PSMA6: variants seen among roughly 807,000 people sequenced by gnomAD.
The protein encoded by PSMA6 is proteasome subunit alpha type-6.
For synonymous variants in PSMA6, 88 were observed against 97.7 expected (o/e 0.90, Z 0.59); for missense variants, 170 against 294.8 (o/e 0.58, Z 3.10).
intron 4 of PSMA6, among the ~76,000 whole-genome samples, chr14:35,312,199 TAAAAAAA>T (rs35606504): frequency 1.0e-5 from 1 of 97,422 alleles, no homozygotes. Flanking sequence ...CCTCGTCTCC[TAAAAAAA>T]AAAAAAAAAA....
At chr14:35,280,371 T>C (rs10130007) in intron 1 of PSMA6, among the ~76,000 whole-genome samples, 7,007 of 150,024 alleles carry the variant, frequency 0.047, 245 homozygotes, top group African/African-American at 0.094. Context: ...GGTCTCATTG[T>C]TTCTTTTTTT....
intron 1 of PSMA6, among the ~76,000 whole-genome samples, chr14:35,286,943 T>A (rs2051426915): frequency 6.6e-6 from 1 of 152,028 alleles, no homozygotes; most frequent in Non-Finnish European, 1.5e-5. Context: ...AAGCATAACC[T>A]CATGTAAGTT....
intron 3 of PSMA6, chr14:35,310,104 AGTCC>A: frequency 2.7e-6 from 1 of 374,912 alleles, no homozygotes; most frequent in Non-Finnish European, 5.2e-6. Context: ...ACTGGGTGCC[AGTCC>A]AAGACCCCAT....
intron 1 of PSMA6, among the ~76,000 whole-genome samples, chr14:35,279,377 T>C (rs1660141181): frequency 6.6e-6 from 1 of 152,028 alleles, no homozygotes; most frequent in South Asian, 2.1e-4. Flanking sequence ...TAATGTAAAT[T>C]CATAAAAAGG....
chr14:35,278,881 A>G (rs556543915), intron 1 of PSMA6, among the ~76,000 whole-genome samples: 1 of 151,984 alleles, frequency 6.6e-6, no homozygotes, highest in African/African-American at 2.4e-5. Flanking sequence ...GTCTATTGCT[A>G]TTAAGTTGTT....
chr14:35,288,030 C>A (rs992721767), upstream of PSMA6, among the ~76,000 whole-genome samples: 1 of 152,218 alleles, frequency 6.6e-6, no homozygotes, highest in African/African-American at 2.4e-5. Flanking sequence ...AAATCTCTGA[C>A]CTTTTAGGGT....
chr14:35,307,871 G>A (rs1250756325), intron 1 of PSMA6, 123 bp from the exon 2 acceptor site: 24 of 795,770 alleles, frequency 3.0e-5, no homozygotes, highest in Middle Eastern at 3.8e-4. Context: ...TGCACATCCT[G>A]GAATGCTATA....
intron 1 of PSMA6, among the ~76,000 whole-genome samples, chr14:35,297,056 C>G (rs899208828): frequency 4.4e-5 from 6 of 136,044 alleles, no homozygotes; most frequent in African/African-American, 1.6e-4. Flanking sequence ...CCACACATCT[C>G]AATTATGTAG....
At chr14:35,307,154 GAA>G (rs1480186040) in intron 1 of PSMA6, among the ~76,000 whole-genome samples, 1 of 152,052 alleles carries the variant, frequency 6.6e-6, no homozygotes, top group African/African-American at 2.4e-5. Flanking sequence ...TCTCAAAAAA[GAA>G]AAGAGTCATA....
rs1566548062 is a variant in PSMA6, at chr14:35,285,349, A to AAAAAC, written c.19+6635_19+6636insCAAAA. ...AGCAAAACTCTATCTCAAAAAAAAC[A>AAAAAC]AAAAACAAAAAAAAAAACCGTAGCA... is the stretch of plus-strand genomic sequence containing the variant. On this transcript the variant is annotated intron_variant, in intron 1 of 6. Transcript: ENST00000540871. 1.1e-4 allele frequency among the ~76,000 whole-genome samples: 4 copies of AAAAAC among 35,212 alleles called. No homozygotes were observed. In the South Asian group the frequency reaches 6.7e-3, roughly 59 times the overall value. 23.1% of individuals were successfully genotyped at this position (35,212 alleles called of 152,430 possible).
chr14:35,300,073 A>G (rs1002276761), intron 1 of PSMA6, among the ~76,000 whole-genome samples: 66 of 152,224 alleles, frequency 4.3e-4, no homozygotes, highest in African/African-American at 1.5e-3. Context: ...CTTGAGTACC[A>G]TGCTAGAGTT....
chr14:35,278,918 A>G (rs1360196933), intron 1 of PSMA6, among the ~76,000 whole-genome samples: 2 of 152,052 alleles, frequency 1.3e-5, no homozygotes, highest in Non-Finnish European at 2.9e-5. Flanking sequence ...CTATGCATAT[A>G]TACTCATTTT....
intron 1 of PSMA6, among the ~76,000 whole-genome samples, chr14:35,297,317 G>A (rs1457728289): frequency 6.6e-6 from 1 of 151,678 alleles, no homozygotes; most frequent in Non-Finnish European, 1.5e-5. Flanking sequence ...CTGGGTTCAC[G>A]CCGTTCTCCT....
chr14:35,307,888 T>C, intron 1 of PSMA6, 106 bp from the exon 2 acceptor site: 1 of 1,037,284 alleles, frequency 9.6e-7, no homozygotes, highest in African/African-American at 1.6e-5. Flanking sequence ...TATATGAGCA[T>C]TCTGTGTTCA....
chr14:35,302,821 A>G (rs1484403576), intron 1 of PSMA6, among the ~76,000 whole-genome samples: 1 of 151,890 alleles, frequency 6.6e-6, no homozygotes, highest in Non-Finnish European at 1.5e-5. Flanking sequence ...TTTAAATTTT[A>G]CGTATTATAT....
chr14:35,295,987 AAGG>A (rs1264331798), intron 1 of PSMA6, among the ~76,000 whole-genome samples: 1 of 152,124 alleles, frequency 6.6e-6, no homozygotes, highest in Non-Finnish European at 1.5e-5. Flanking sequence ...AGGTCTGGCA[AAGG>A]AGAAGAGGAG....
intron 1 of PSMA6, among the ~76,000 whole-genome samples, chr14:35,281,853 T>C (rs1318979161): frequency 6.6e-5 from 10 of 152,220 alleles, no homozygotes; most frequent in Admixed American, 6.5e-4. Context: ...CCTCTCAAGG[T>C]GCTAGGATTA....
At chr14:35,313,973 AAAC>A (rs2051991349) in intron 5 of PSMA6, 1 of 153,470 alleles carries the variant, frequency 6.5e-6, no homozygotes, top group South Asian at 2.0e-4. Context: ...AACAGAAACA[AAAC>A]AAACAAACAA....
At chr14:35,314,169 T>A in intron 5 of PSMA6, 192 bp from the exon 6 acceptor site, 1 of 445,952 alleles carries the variant, frequency 2.2e-6, no homozygotes, top group Non-Finnish European at 3.5e-6. Context: ...CCTTTATTAT[T>A]TGACTTGGTA....
Sources: allele counts gnomAD v4.1 joint callset (sites outside exome capture counted in the v4.1 genomes callset), GRCh38; gene constraint gnomAD v4.1.1; transcripts MANE v1.5; gene names NCBI Gene and HGNC (gene_info 2026-07-23, HGNC 2026-07-21).